GUCY2C: variants seen among roughly 807,000 people sequenced by gnomAD.
The protein encoded by GUCY2C is guanylyl cyclase C.
A neutral mutation model predicts 131.1 loss-of-function variants in GUCY2C; 118 were observed. That is an observed-to-expected ratio of 0.90 (90% CI 0.78 to 1.05). The LOEUF (loss-of-function observed/expected upper bound fraction) is 1.05. Among genes scored for constraint, GUCY2C ranks in the 50% least tolerant of loss-of-function variants. The probability of loss-of-function intolerance (pLI) is 0.00; values close to 1 mark genes in which losing one functional copy is unlikely to be tolerated. For synonymous variants in GUCY2C, 452 were observed against 457.8 expected (o/e 0.99, Z 0.16); for missense variants, 1,161 against 1,304.4 (o/e 0.89, Z 1.69).
rs749612761 is a variant in GUCY2C at position 14,640,247 on chromosome 12, G to A, written c.2069-297C>T. 8.4e-4 allele frequency among the ~76,000 whole-genome samples: 128 copies of A among 152,126 alleles called. 2 individuals are homozygous for A. The Middle Eastern group carries it at 0.017, about 20-fold the overall frequency. ...GGAGGCTGAGGTTGGGGGATCACTC[G>A]AGCTCAGGAGCTCAGTCTGGGCAAC... is the stretch of plus-strand genomic sequence containing the variant. On this transcript the variant is annotated intron_variant, in intron 18 of 26. Coordinates refer to ENST00000261170, the MANE Select transcript of GUCY2C (RefSeq NM_004963.4).
chr12:14,625,940 C>G (rs1313450694), intron 20 of GUCY2C, 25 bp from the exon 21 acceptor site: 2 of 1,399,058 alleles, frequency 1.4e-6, no homozygotes, highest in Admixed American at 3.5e-5. Flanking sequence ...AGATAAAGAG[C>G]TCTTATATAT....
chr12:14,639,550 G>A (rs1947351610), intron 19 of GUCY2C, among the ~76,000 whole-genome samples: 1 of 152,200 alleles, frequency 6.6e-6, no homozygotes, highest in Non-Finnish European at 1.5e-5. Flanking sequence ...GGACCCAAAT[G>A]CAATCACATA....
At chr12:14,671,229 C>T (rs1470139478) in intron 9 of GUCY2C, among the ~76,000 whole-genome samples, 1 of 152,088 alleles carries the variant, frequency 6.6e-6, no homozygotes, top group Non-Finnish European at 1.5e-5. Flanking sequence ...CCTCTGCCTC[C>T]CAGGTTCAAA....
intron 25 of GUCY2C, among the ~76,000 whole-genome samples, chr12:14,615,593 T>G (rs886974592): frequency 2.7e-5 from 4 of 149,418 alleles, no homozygotes; most frequent in African/African-American, 9.8e-5. Context: ...TAATAATATA[T>G]ATCTATAATA....
intron 10 of GUCY2C, among the ~76,000 whole-genome samples, chr12:14,663,911 C>A (rs1947918818): frequency 6.6e-6 from 1 of 152,126 alleles, no homozygotes; most frequent in South Asian, 2.1e-4. Flanking sequence ...TAAATAAATT[C>A]ATATAGAAAG....
intron 16 of GUCY2C, among the ~76,000 whole-genome samples, chr12:14,644,040 T>C (rs1469776934): frequency 6.6e-6 from 1 of 152,206 alleles, no homozygotes; most frequent in East Asian, 1.9e-4. Flanking sequence ...CCTGGGTAGG[T>C]CTCTGGTCCT....
chr12:14,640,073 C>G, intron 18 of GUCY2C, 123 bp from the exon 19 acceptor site: 1 of 687,938 alleles, frequency 1.5e-6, no homozygotes, highest in Non-Finnish European at 2.6e-6. Context: ...GAGAGTGCTG[C>G]AGAGCCTAGA....
Position 14,669,768 on chromosome 12 carries a change from T to C in GUCY2C, c.1236A>G (p.Thr412=). 3 of 1,606,860 alleles carry C rather than the reference T, an allele frequency of 1.9e-6. No homozygotes were observed. The highest frequency in any genetic ancestry group is 1.7e-6 in the Non-Finnish European group (2 of 1,174,246). ...NKTYPVDMSP[T]FTWKNSKLPN... ...GAAGTTTAGAGTTCTTCCAAGTGAA[T>C]GTGGGGCTCATATCCACAGGATAGG... is the stretch of plus-strand genomic sequence containing the variant. Residue 412 remains threonine (T), a synonymous_variant, in exon 10 of 27, where the codon ACA becomes ACG. Transcript: ENST00000261170.
chr12:14,648,437 C>T (rs1343648111), intron 15 of GUCY2C, among the ~76,000 whole-genome samples: 2 of 152,094 alleles, frequency 1.3e-5, no homozygotes, highest in African/African-American at 2.4e-5. Context: ...AAAGACTCTA[C>T]AGAAACCTCA....
At chr12:14,619,149 C>T (rs1946842269) in intron 24 of GUCY2C, 62 bp downstream of exon 24, 1 of 911,476 alleles carries the variant, frequency 1.1e-6, no homozygotes, top group African/African-American at 1.6e-5. Context: ...TTTTATCTCA[C>T]AGTTGCCCTC....
At chr12:14,652,922 T>G in intron 13 of GUCY2C, 30 bp downstream of exon 13, 1 of 1,470,544 alleles carries the variant, frequency 6.8e-7, no homozygotes, top group Non-Finnish European at 9.5e-7. Flanking sequence ...CATACCCCAG[T>G]GGAGAGTTCA....
At chr12:14,656,726 T>C in intron 11 of GUCY2C, 109 bp from the exon 12 acceptor site, 1 of 563,948 alleles carries the variant, frequency 1.8e-6, no homozygotes, top group Non-Finnish European at 3.3e-6. Flanking sequence ...TAGATATGTG[T>C]GAGGGAAGGT....
intron 19 of GUCY2C, among the ~76,000 whole-genome samples, chr12:14,632,922 A>C (rs894111526): frequency 6.6e-6 from 1 of 152,180 alleles, no homozygotes; most frequent in African/African-American, 2.4e-5. Context: ...GTGGACCTGC[A>C]GACTGGCCTG....
At chr12:14,670,290 A>G (rs1010992995) in intron 9 of GUCY2C, among the ~76,000 whole-genome samples, 10 of 152,248 alleles carry the variant, frequency 6.6e-5, no homozygotes, top group Admixed American at 5.9e-4. Flanking sequence ...TTTGATACAT[A>G]TCAAGGGGCC....
intron 15 of GUCY2C, among the ~76,000 whole-genome samples, 168 bp from the exon 16 acceptor site, chr12:14,645,483 A>G (rs1354841274): frequency 6.6e-6 from 1 of 152,220 alleles, no homozygotes; most frequent in Non-Finnish European, 1.5e-5. Flanking sequence ...CCTTTTCTGC[A>G]TAAGAAGCAT....
chr12:14,674,865 A>G, intron 7 of GUCY2C, 105 bp from the exon 8 acceptor site: 1 of 812,996 alleles, frequency 1.2e-6, no homozygotes, highest in Non-Finnish European at 2.0e-6. Flanking sequence ...GGAAAGTTAA[A>G]GGGATATCAG....
rs764946826 is a variant in GUCY2C at position 14,676,879 on chromosome 12, C to T, written c.923G>A (p.Ser308Asn). Reference protein sequence around the residue: ...TLSPGNSLLNSSFSRNLSPTK... With the variant: ...TLSPGNSLLNNSFSRNLSPTK... ...TGGTGATAGATTCCTGGAGAAAGAG[C>T]TATTTAGAAGGGAATTCCCAGGAGA... The change falls in exon 7 of 27, where the codon AGC becomes AAC. Residue 308 changes from serine to asparagine, a missense_variant. Ser to Asn is a conservative substitution (Grantham distance 46, BLOSUM62 1). Transcript: ENST00000261170. 1.4e-6 allele frequency: 2 copies of T among 1,472,516 alleles called. No homozygotes were observed. Among genetic ancestry groups the T allele is most frequent in the South Asian group, 1.3e-5 (1 of 75,538 alleles). The allele number at this position is 1,472,516 out of a possible 1,614,324, so 91.2% of individuals were successfully genotyped here. A position where few individuals can be genotyped will look rare whatever the true frequency, so the allele number is the denominator to read the frequency against.
At position 14,639,829 on chromosome 12, in the gene GUCY2C, G is replaced by A. The variant is rs754349774; in HGVS notation, c.2157+33C>T. 42 of 1,259,736 alleles carry A rather than the reference G, an allele frequency of 3.3e-5. No homozygotes were observed. In the East Asian group the frequency reaches 8.3e-4, roughly 25 times the overall value. 78.0% of individuals were successfully genotyped at this position (1,259,736 alleles called of 1,614,324 possible). ...TACATTTATGGTAATTTTATAGCAGGCCAAGGAAATGAATACGGGAAGATA... is the reference window on the plus strand; with the variant it reads ...TACATTTATGGTAATTTTATAGCAGACCAAGGAAATGAATACGGGAAGATA... On this transcript the variant is annotated intron_variant, in intron 19 of 26. Transcript: ENST00000261170.
chr12:14,670,580 C>T lies in GUCY2C; in HGVS notation c.1171-747G>A, dbSNP rs556657279. ...TGAATTGTATCTCCCAGACTTCCCA[C>T]GTGTTGTAGGAGGGACCCAGGAGAG... is the stretch of plus-strand genomic sequence containing the variant. On this transcript the variant is annotated intron_variant, in intron 9 of 26. Coordinates refer to ENST00000261170, the MANE Select transcript of GUCY2C (RefSeq NM_004963.4). Among the ~76,000 whole-genome samples, 14 of 152,100 alleles carry T rather than the reference C, an allele frequency of 9.2e-5. No individual in the cohort carries two copies. The South Asian group carries it at 1.0e-3, about 11-fold the overall frequency.
Sources: gnomAD v4.1 joint callset for allele counts (sites outside exome capture counted in the v4.1 genomes callset) on GRCh38, gnomAD v4.1.1 for gene constraint, MANE v1.5 for transcripts, NCBI Gene and HGNC (gene_info 2026-07-23, HGNC 2026-07-21) for gene names.